CAST: variants seen among roughly 807,000 people sequenced by gnomAD.
The protein encoded by CAST is MIR583 host.
Under a neutral mutation model 119.6 loss-of-function variants are expected in CAST, and 76 were observed. The ratio of observed to expected loss-of-function variants is 0.64; its 90% CI spans 0.53 to 0.77. CAST has a LOEUF of 0.77. Among genes scored for constraint, CAST ranks in the 30% least tolerant of loss-of-function variants. The probability of loss-of-function intolerance (pLI) is 0.00; values close to 1 mark genes in which losing one functional copy is unlikely to be tolerated. For missense variants in CAST, 953 were observed against 946.5 expected (o/e 1.01, Z -0.09); for synonymous variants, 319 against 331.6 (o/e 0.96, Z 0.41).
chr5:96,060,777 C>T, the CAST span, among the ~76,000 whole-genome samples: 1 of 152,016 alleles, frequency 6.6e-6, no homozygotes, highest in Non-Finnish European at 1.5e-5. Context: ...TGTGGAAAGC[C>T]CCCTGTATTA....
chr5:96,271,011 G>C, the CAST span, among the ~76,000 whole-genome samples: 2 of 71,050 alleles, frequency 2.8e-5, no homozygotes, highest in Non-Finnish European at 6.8e-5. Context: ...TAAAAAAAAT[G>C]AAGAAAGCAA....
chr5:95,970,377 T>C, the CAST span: 4 of 152,238 alleles, frequency 2.6e-5, no homozygotes, highest in Non-Finnish European at 5.9e-5. Flanking sequence ...CTCTGTGTCA[T>C]TTGGGAATTG....
chr5:96,214,114 G>A, the CAST span, among the ~76,000 whole-genome samples: 3 of 152,100 alleles, frequency 2.0e-5, no homozygotes, highest in African/African-American at 7.2e-5. Context: ...TCAATCTCAG[G>A]AAGTATGTTC....
the CAST span, among the ~76,000 whole-genome samples, chr5:96,283,137 A>AAAAAAAAAAAAG: frequency 1.4e-3 from 187 of 132,970 alleles, 5 homozygotes; most frequent in South Asian, 7.0e-3. Context: ...CTCAAAAAAA[A>AAAAAAAAAAAAG]AAAAAAAAGA....
chr5:96,256,555 A>G, the CAST span, among the ~76,000 whole-genome samples: 2 of 149,426 alleles, frequency 1.3e-5, no homozygotes, highest in African/African-American at 5.1e-5. Flanking sequence ...CTCCTAGGCT[A>G]CAAATCTGTA....
At chr5:96,270,415 T>G in the CAST span, among the ~76,000 whole-genome samples, 1 of 151,966 alleles carries the variant, frequency 6.6e-6, no homozygotes, top group African/African-American at 2.4e-5. Flanking sequence ...GAGAAAGAAA[T>G]AAAGGGCATC....
chr5:96,583,524 T>C (rs968627372), intron 1 of CAST, among the ~76,000 whole-genome samples: 15 of 152,212 alleles, frequency 9.9e-5, no homozygotes, highest in African/African-American at 3.6e-4. Flanking sequence ...CAGTTTCCCT[T>C]TTTGTAAGAT....
the CAST span, among the ~76,000 whole-genome samples, chr5:96,358,421 T>A: frequency 0.012 from 1,821 of 152,292 alleles, 44 homozygotes; most frequent in African/African-American, 0.042. Flanking sequence ...AATTGTGATG[T>A]TAGGTTGTTG....
At chr5:96,433,082 G>A in the CAST span, 1 of 1,592,216 alleles carries the variant, frequency 6.3e-7, no homozygotes, top group African/African-American at 1.3e-5. Flanking sequence ...GAAGGGAAGA[G>A]GAAAAAGAAG....
At chr5:96,244,466 T>A in the CAST span, among the ~76,000 whole-genome samples, 1 of 152,222 alleles carries the variant, frequency 6.6e-6, no homozygotes, top group South Asian at 2.1e-4. Context: ...AAATGAAAAA[T>A]TATGGAAATA....
the CAST span, among the ~76,000 whole-genome samples, chr5:96,262,765 G>C: frequency 6.6e-6 from 1 of 152,074 alleles, no homozygotes; most frequent in Non-Finnish European, 1.5e-5. Flanking sequence ...TCGATCTCCT[G>C]ACCTCGTGAT....
the CAST span, among the ~76,000 whole-genome samples, chr5:96,299,588 T>C: frequency 3.9e-5 from 6 of 152,220 alleles, no homozygotes; most frequent in East Asian, 7.7e-4. Flanking sequence ...CCCTGCTTTG[T>C]TGAAGCATGC....
intron 1 of CAST, among the ~76,000 whole-genome samples, chr5:96,567,040 A>G (rs1348576860): frequency 6.6e-6 from 1 of 152,166 alleles, no homozygotes; most frequent in Admixed American, 6.5e-5. Context: ...TTTGCTGCAA[A>G]TTATATGGGA....
the CAST span, among the ~76,000 whole-genome samples, chr5:96,380,530 A>T: frequency 2.6e-5 from 4 of 152,150 alleles, no homozygotes; most frequent in Non-Finnish European, 5.9e-5. Flanking sequence ...TTATGGAAAA[A>T]CTGTGGTTAT....
chr5:96,482,091 A>G, the CAST span, among the ~76,000 whole-genome samples: 4 of 152,140 alleles, frequency 2.6e-5, no homozygotes, highest in African/African-American at 4.8e-5. Context: ...CCCTTATGAT[A>G]TAATCTCTTT....
At chr5:96,609,415 C>T (rs1179444523) in intron 1 of CAST, among the ~76,000 whole-genome samples, 3 of 152,134 alleles carry the variant, frequency 2.0e-5, no homozygotes, top group Admixed American at 1.3e-4. Flanking sequence ...TAAAGCGGTG[C>T]TTTCCAAACC....
the CAST span, among the ~76,000 whole-genome samples, chr5:96,373,098 T>C: frequency 8.5e-5 from 13 of 152,244 alleles, no homozygotes; most frequent in African/African-American, 3.1e-4. Flanking sequence ...TATAATACTT[T>C]CTTTTCATTT....
the CAST span, among the ~76,000 whole-genome samples, chr5:96,367,320 G>T: frequency 1.3e-5 from 2 of 152,064 alleles, no homozygotes; most frequent in East Asian, 3.9e-4. Context: ...CTCAAACTCT[G>T]TGCTGGGAGA....
the CAST span, among the ~76,000 whole-genome samples, chr5:96,146,161 A>G: frequency 6.6e-6 from 1 of 152,370 alleles, no homozygotes; most frequent in South Asian, 2.1e-4. Context: ...TCTGATCTAT[A>G]TAGCAAGGCT....
Sources: gnomAD v4.1 joint callset for allele counts (sites outside exome capture counted in the v4.1 genomes callset) on GRCh38, gnomAD v4.1.1 for gene constraint, MANE v1.5 for transcripts, NCBI Gene and HGNC (gene_info 2026-07-23, HGNC 2026-07-21) for gene names.